The following DCLK3 variants were observed in gnomAD, a reference collection of about 807,000 sequenced individuals.
DCLK3 encodes the protein doublecortin like kinase 3.
Under a neutral mutation model 46.4 loss-of-function variants are expected in DCLK3, and 30 were observed. That is an observed-to-expected ratio of 0.65 (90% CI 0.48 to 0.88). The LOEUF (loss-of-function observed/expected upper bound fraction) is 0.88, where lower values mean the gene tolerates loss of function less well. Among genes scored for constraint, DCLK3 ranks in the 40% least tolerant of loss-of-function variants. The probability of loss-of-function intolerance (pLI) is 0.00; values close to 1 mark genes in which losing one functional copy is unlikely to be tolerated. For missense variants in DCLK3, 846 were observed against 907.1 expected (o/e 0.93, Z 0.87); for synonymous variants, 401 against 339.2 (o/e 1.18, Z -2.00).
At chr3:36,729,024 C>T (rs1277981746) in intron 2 of DCLK3, among the ~76,000 whole-genome samples, 2 of 152,166 alleles carry the variant, frequency 1.3e-5, no homozygotes, top group African/African-American at 4.8e-5. Flanking sequence ...TCTGTGTCCA[C>T]AGTAAAGTTC....
intron 1 of DCLK3, among the ~76,000 whole-genome samples, chr3:36,742,157 T>C (rs994361553): frequency 3.3e-5 from 5 of 152,160 alleles, no homozygotes; most frequent in East Asian, 1.9e-4. Context: ...AGTGTTGACA[T>C]AGAGTGACAA....
intron 1 of DCLK3, among the ~76,000 whole-genome samples, chr3:36,745,052 C>T (rs1312812703): frequency 6.6e-6 from 1 of 152,228 alleles, no homozygotes; most frequent in African/African-American, 2.4e-5. Context: ...ATCAGCTCTC[C>T]ACCTTATTAG....
Position 36,725,250 on chromosome 3 carries a change from T to A in DCLK3, c.1960-3591A>T, listed in dbSNP as rs1426685174. ...TAGCGTGAACCCAGGAGGCGGAGCT[T>A]GAAGTGAGCTGAGCTCGCGCCACTG... On this transcript the variant is annotated intron_variant, in intron 2 of 4. Coordinates refer to ENST00000636136, the MANE Select transcript of DCLK3 (RefSeq NM_001394672.2). 2.0e-5 allele frequency among the ~76,000 whole-genome samples: 3 copies of A among 150,674 alleles called. No homozygotes were observed. In the South Asian group the frequency reaches 6.3e-4, roughly 31 times the overall value.
intron 2 of DCLK3, among the ~76,000 whole-genome samples, chr3:36,736,391 T>C (rs1701263607): frequency 6.6e-6 from 1 of 152,200 alleles, no homozygotes; most frequent in African/African-American, 2.4e-5. Context: ...AATATTCTTA[T>C]TTTTATCTGC....
At chr3:36,716,127 G>C (rs1397927917) in intron 4 of DCLK3, among the ~76,000 whole-genome samples, 1 of 152,182 alleles carries the variant, frequency 6.6e-6, no homozygotes, top group Non-Finnish European at 1.5e-5. Flanking sequence ...CCAAGACCAT[G>C]ACTGATTTTA....
chr3:36,742,618 C>A (rs1345210429), intron 1 of DCLK3, among the ~76,000 whole-genome samples: 1 of 152,226 alleles, frequency 6.6e-6, no homozygotes, highest in Non-Finnish European at 1.5e-5. Flanking sequence ...AATTGCACTT[C>A]TTCTAGCTAT....
At chr3:36,730,189 TATATAC>T (rs1360858118) in intron 2 of DCLK3, among the ~76,000 whole-genome samples, 1 of 107,710 alleles carries the variant, frequency 9.3e-6, no homozygotes, top group African/African-American at 3.8e-5. Context: ...ACATACACCA[TATATAC>T]ACACACACAC....
chr3:36,718,303 A>C, intron 3 of DCLK3, 126 bp from the exon 4 acceptor site: 1 of 1,285,576 alleles, frequency 7.8e-7, no homozygotes, highest in Non-Finnish European at 1.1e-6. Context: ...GCTCTCAGCA[A>C]CCAAGAGCCA....
At chr3:36,762,199 A>G (rs929613921) in intron 1 of DCLK3, among the ~76,000 whole-genome samples, 2 of 152,200 alleles carry the variant, frequency 1.3e-5, no homozygotes, top group African/African-American at 4.8e-5. Flanking sequence ...CCAGAAGGGA[A>G]CACCTTTTGT....
At chr3:36,746,615 AT>A (rs1701395695) in intron 1 of DCLK3, among the ~76,000 whole-genome samples, 1 of 152,140 alleles carries the variant, frequency 6.6e-6, no homozygotes. Flanking sequence ...ACCAGAGAGC[AT>A]TTTCCTCTCT....
intron 2 of DCLK3, among the ~76,000 whole-genome samples, chr3:36,736,423 G>C (rs991459689): frequency 6.6e-6 from 1 of 152,120 alleles, no homozygotes; most frequent in Admixed American, 6.5e-5. Flanking sequence ...AGTATAAAGG[G>C]GTTTTGCTTT....
rs760362596 is a variant in DCLK3 at position 36,737,598 on chromosome 3, C to T, written c.1569G>A (p.Lys523=). 8 of 1,614,180 alleles carry T rather than the reference C, an allele frequency of 5.0e-6. No homozygotes were observed. The South Asian group carries it at 6.6e-5, about 13-fold the overall frequency. Reference sequence around the variant, plus strand: ...CAATGACCCGGCCAGTCTCATAATGCTTTTCCACATTGGCGGCAATGATGC... The same window carrying T: ...CAATGACCCGGCCAGTCTCATAATGTTTTTCCACATTGGCGGCAATGATGC... The part of the protein sequence containing the change: ...PMGIIAANVE[K]HYETGRVIGD... Residue 523 remains lysine, a synonymous_variant, in exon 2 of 5, where the codon AAG becomes AAA. Coordinates refer to ENST00000636136, the MANE Select transcript of DCLK3 (RefSeq NM_001394672.2). This position sits in a 1 kb window ranked among gnomAD's most constrained non-coding sequence, Gnocchi z 4.4.
At chr3:36,730,193 TACACACACACAC>T (rs55833576) in intron 2 of DCLK3, among the ~76,000 whole-genome samples, 45 of 143,172 alleles carry the variant, frequency 3.1e-4, no homozygotes, top group Middle Eastern at 3.5e-3. Context: ...ACACCATATA[TACACACACACAC>T]ACACACACAC....
intron 1 of DCLK3, among the ~76,000 whole-genome samples, chr3:36,746,677 A>G (rs770476894): frequency 2.2e-4 from 33 of 152,268 alleles, no homozygotes; most frequent in Non-Finnish European, 4.1e-4. Context: ...CCCCATGACA[A>G]CAAAGAGGAC....
Position 36,737,089 on chromosome 3 carries a change from T to C in DCLK3, c.1959+119A>G. ...TTTAAATACTGGAACAAGTATGTTATAATAACATAAAAGTAAAATTCTAGT... is the reference window on the plus strand; with the variant it reads ...TTTAAATACTGGAACAAGTATGTTACAATAACATAAAAGTAAAATTCTAGT... On this transcript the variant is annotated intron_variant, in intron 2 of 4. Transcript: ENST00000636136. This position sits in a 1 kb window ranked among gnomAD's most constrained non-coding sequence, Gnocchi z 4.4. 1 of 1,355,330 alleles carries C rather than the reference T, an allele frequency of 7.4e-7. No homozygotes were observed. Among genetic ancestry groups the C allele is most frequent in the Non-Finnish European group, 9.9e-7 (1 of 1,012,766 alleles). The allele number at this position is 1,355,330 out of a possible 1,614,324, so 84.0% of individuals were successfully genotyped here. A position where few individuals can be genotyped will look rare whatever the true frequency, so the allele number is the denominator to read the frequency against.
chr3:36,727,900 G>A (rs1442856040), intron 2 of DCLK3, among the ~76,000 whole-genome samples: 1 of 152,196 alleles, frequency 6.6e-6, no homozygotes, highest in Non-Finnish European at 1.5e-5. Context: ...CTTCAGAACA[G>A]TTCCTATCTT....
rs145223703 is a variant in DCLK3, at chr3:36,725,229, G to A, written c.1960-3570C>T. On this transcript the variant is annotated intron_variant, in intron 2 of 4. Transcript: ENST00000636136. ...CTGAAGGCTGAGGCAGAAGAATAGC[G>A]TGAACCCAGGAGGCGGAGCTTGAAG... is the stretch of plus-strand genomic sequence containing the variant. Among the ~76,000 whole-genome samples the A allele has an allele frequency of 7.3e-5, 11 of 151,528 alleles. No homozygotes were observed. In the East Asian group the frequency reaches 7.8e-4, roughly 11 times the overall value.
Position 36,715,499 on chromosome 3 carries a change from C to A in DCLK3, c.2283G>T (p.Arg761=), listed in dbSNP as rs746967421. ...GCTTTTTGGGGTCTACCACCAGCAA[C>A]CGGCTCACCAGATCTTTAGCAGCTG... ...ISDAAKDLVS[R]LLVVDPKKRY... Residue 761 remains arginine (R), a synonymous_variant, in exon 5 of 5, where the codon CGG becomes CGT. Coordinates refer to ENST00000636136, the MANE Select transcript of DCLK3 (RefSeq NM_001394672.2). 6.5e-7 allele frequency: 1 copy of A among 1,532,910 alleles called. No individual in the cohort carries two copies. Among genetic ancestry groups the A allele is most frequent in the Non-Finnish European group, 8.8e-7 (1 of 1,141,172 alleles). 95.0% of individuals were successfully genotyped at this position (1,532,910 alleles called of 1,614,324 possible).
intron 1 of DCLK3, among the ~76,000 whole-genome samples, chr3:36,751,784 G>A (rs1200111412): frequency 1.3e-5 from 2 of 152,186 alleles, no homozygotes; most frequent in Non-Finnish European, 2.9e-5. Flanking sequence ...TCTAAACACA[G>A]AGCCCTAGTG....
Sources: gnomAD v4.1 joint callset for allele counts (sites outside exome capture counted in the v4.1 genomes callset) on GRCh38, gnomAD v4.1.1 for gene constraint, Gnocchi (gnomAD v3.1) non-coding constraint, MANE v1.5 for transcripts, NCBI Gene and HGNC (gene_info 2026-07-23, HGNC 2026-07-21) for gene names.